Variants in SAMMSON observed in about 807,000 individuals in gnomAD.
SAMMSON encodes long intergenic non-protein coding RNA 1212.
intron 4 of SAMMSON, among the ~76,000 whole-genome samples, chr3:70,082,236 G>A (rs2067270155): frequency 6.6e-6 from 1 of 152,182 alleles, no homozygotes; most frequent in Admixed American, 6.5e-5. Flanking sequence ...GAACAGTGCT[G>A]CTTCTGTCTG....
At chr3:70,334,256 A>C (rs903711667) in intron 7 of SAMMSON, among the ~76,000 whole-genome samples, 1 of 152,164 alleles carries the variant, frequency 6.6e-6, no homozygotes, top group African/African-American at 2.4e-5. Context: ...CATATTTGAC[A>C]TGAATCAGCC....
intron 8 of SAMMSON, among the ~76,000 whole-genome samples, chr3:70,356,263 C>T (rs531982979): frequency 6.6e-6 from 1 of 152,170 alleles, no homozygotes; most frequent in East Asian, 1.9e-4. Flanking sequence ...GAAATTATCA[C>T]ACGAAATAAT....
At chr3:70,353,546 G>A (rs1007671650) in intron 7 of SAMMSON, among the ~76,000 whole-genome samples, 2 of 151,904 alleles carry the variant, frequency 1.3e-5, no homozygotes, top group South Asian at 4.2e-4. Context: ...TGTCAGAATG[G>A]CTAAAATAAA....
chr3:70,306,349 G>A (rs1702399996), intron 7 of SAMMSON, among the ~76,000 whole-genome samples: 1 of 152,110 alleles, frequency 6.6e-6, no homozygotes, highest in Admixed American at 6.5e-5. Flanking sequence ...CTGACCTCAT[G>A]ATCTACCCGC....
At chr3:70,287,897 T>G (rs369357146) in intron 6 of SAMMSON, among the ~76,000 whole-genome samples, 1 of 150,424 alleles carries the variant, frequency 6.6e-6, no homozygotes, top group Admixed American at 6.6e-5. Context: ...GTGGGATCAG[T>G]GGTGACATCC....
chr3:70,376,996 G>C (rs1481302578), intron 9 of SAMMSON, among the ~76,000 whole-genome samples: 1 of 151,974 alleles, frequency 6.6e-6, no homozygotes, highest in Non-Finnish European at 1.5e-5. Context: ...TATAAACCTA[G>C]ATTACAATAA....
intron 6 of SAMMSON, chr3:70,283,786 G>C (rs13078037): frequency 2.7e-5 from 4 of 146,604 alleles, no homozygotes; most frequent in African/African-American, 1.0e-4. Flanking sequence ...AAAAAAAAAA[G>C]AGAGAGAAGA....
chr3:70,172,210 A>T (rs1022435144), intron 4 of SAMMSON: 1 of 151,252 alleles, frequency 6.6e-6, no homozygotes, highest in Non-Finnish European at 1.5e-5. Flanking sequence ...ATATTTTTAA[A>T]GGCTAGTTAG....
At chr3:70,105,654 G>A (rs1380734249) in intron 4 of SAMMSON, among the ~76,000 whole-genome samples, 1 of 152,296 alleles carries the variant, frequency 6.6e-6, no homozygotes, top group Middle Eastern at 3.4e-3. Flanking sequence ...GATGAAACTT[G>A]ATGACATTTC....
chr3:70,125,623 G>C (rs1173651299), intron 4 of SAMMSON: 8 of 699,234 alleles, frequency 1.1e-5, no homozygotes, highest in Non-Finnish European at 2.1e-5. Flanking sequence ...TTTCTTAAAT[G>C]CAGCTGGCAT....
chr3:70,296,717 T>C (rs545818163), intron 7 of SAMMSON, among the ~76,000 whole-genome samples: 1 of 152,258 alleles, frequency 6.6e-6, no homozygotes, highest in Admixed American at 6.5e-5. Context: ...CTTCTTTTCT[T>C]CATTCACAGT....
At chr3:70,157,267 A>T (rs1421916938) in intron 4 of SAMMSON, among the ~76,000 whole-genome samples, 1 of 152,080 alleles carries the variant, frequency 6.6e-6, no homozygotes, top group African/African-American at 2.4e-5. Flanking sequence ...ATCACCTGCC[A>T]CTCTGGCTAC....
intron 6 of SAMMSON, among the ~76,000 whole-genome samples, chr3:70,251,673 C>T (rs1231099783): frequency 3.9e-5 from 6 of 152,064 alleles, no homozygotes; most frequent in African/African-American, 1.2e-4. Context: ...ATAATATTGC[C>T]ATTACTTTTA....
At chr3:70,294,121 TTTA>T (rs1478173744) in intron 7 of SAMMSON, among the ~76,000 whole-genome samples, 1 of 152,148 alleles carries the variant, frequency 6.6e-6, no homozygotes, top group Non-Finnish European at 1.5e-5. Flanking sequence ...TTCTCAGTGT[TTTA>T]GAAATGTCAG....
intron 4 of SAMMSON, among the ~76,000 whole-genome samples, chr3:70,203,264 G>A (rs1317460670): frequency 1.3e-5 from 2 of 152,042 alleles, no homozygotes; most frequent in Admixed American, 6.6e-5. Flanking sequence ...GCATCATAAT[G>A]AGATTCATGA....
At chr3:70,100,431 A>T (rs1482538514) in intron 4 of SAMMSON, among the ~76,000 whole-genome samples, 1 of 151,762 alleles carries the variant, frequency 6.6e-6, no homozygotes, top group African/African-American at 2.4e-5. Context: ...TGCAGGCATG[A>T]GCCACCATAC....
At chr3:70,432,254 A>AT (rs1701420187) in intron 2 of SAMMSON, among the ~76,000 whole-genome samples, 1 of 151,304 alleles carries the variant, frequency 6.6e-6, no homozygotes, top group Admixed American at 6.6e-5. Flanking sequence ...CTCATTGTGG[A>AT]TTTTTTTCAT....
intron 2 of SAMMSON, among the ~76,000 whole-genome samples, chr3:70,411,936 C>A (rs889671944): frequency 1.3e-5 from 2 of 152,028 alleles, no homozygotes; most frequent in African/African-American, 4.8e-5. Context: ...TTTTCTTATG[C>A]TTTAATAATG....
chr3:70,018,398 T>G (rs530672943), intron 3 of SAMMSON, among the ~76,000 whole-genome samples: 1 of 152,296 alleles, frequency 6.6e-6, no homozygotes, highest in African/African-American at 2.4e-5. Context: ...TTTATGGTAG[T>G]TTGTATTTCT....
Sources: gnomAD v4.1 joint callset for allele counts (sites outside exome capture counted in the v4.1 genomes callset) on GRCh38, gnomAD v4.1.1 for gene constraint, MANE v1.5 for transcripts, NCBI Gene and HGNC (gene_info 2026-07-23, HGNC 2026-07-21) for gene names.